JAK1: variants seen among roughly 807,000 people sequenced by gnomAD.
The protein encoded by JAK1 is tyrosine-protein kinase JAK1.
A neutral mutation model predicts 136.6 loss-of-function variants in JAK1; 16 were observed. The observed-to-expected ratio is 0.12, with a 90% CI of 0.08 to 0.18. The LOEUF (loss-of-function observed/expected upper bound fraction) is 0.18. JAK1 is among the 10% of genes least tolerant of loss of function. The pLI is 1.00. For missense variants in JAK1, 859 were observed against 1,450.1 expected (o/e 0.59, Z 6.62); for synonymous variants, 492 against 519.5 (o/e 0.95, Z 0.72).
At chr1:65,008,853 A>G (rs1271358088) in intron 2 of JAK1, among the ~76,000 whole-genome samples, 1 of 152,016 alleles carries the variant, frequency 6.6e-6, no homozygotes, top group Non-Finnish European at 1.5e-5. Context: ...ATGCCTGGCT[A>G]ATTTTTAAAT....
Position 64,884,026 on chromosome 1 carries a change from A to G in JAK1, c.7-551T>C, listed in dbSNP as rs562827812. 9.9e-5 allele frequency among the ~76,000 whole-genome samples: 15 copies of G among 152,234 alleles called. No individual in the cohort carries two copies. In the East Asian group the frequency reaches 2.9e-3, roughly 29 times the overall value. On this transcript the variant is annotated intron_variant, in intron 2 of 24. Coordinates refer to ENST00000342505, the MANE Select transcript of JAK1 (RefSeq NM_002227.4). Reference sequence around the variant, plus strand: ...TCCCCACCTGAGACACTGCACACAAAATGATGACCAATTCATGTTCATAAG... The same window carrying G: ...TCCCCACCTGAGACACTGCACACAAGATGATGACCAATTCATGTTCATAAG...
intron 1 of JAK1, among the ~76,000 whole-genome samples, chr1:64,945,694 C>A (rs1645972485): frequency 6.6e-6 from 1 of 151,764 alleles, no homozygotes; most frequent in South Asian, 2.1e-4. Flanking sequence ...TGGGAGCAAA[C>A]CTTCTCAATT....
At chr1:65,033,647 G>C (rs1647044558) in intron 2 of JAK1, among the ~76,000 whole-genome samples, 1 of 151,556 alleles carries the variant, frequency 6.6e-6, no homozygotes, top group African/African-American at 2.4e-5. Flanking sequence ...CAGTGCTTTG[G>C]GAGGCCGAGG....
chr1:64,850,350 A>G (rs1655508506), intron 12 of JAK1, among the ~76,000 whole-genome samples: 1 of 152,228 alleles, frequency 6.6e-6, no homozygotes, highest in African/African-American at 2.4e-5. Flanking sequence ...TCAGGCCCAG[A>G]GTGTGCATGT....
chr1:64,981,644 C>G (rs1294345401), intron 2 of JAK1, among the ~76,000 whole-genome samples: 1 of 152,174 alleles, frequency 6.6e-6, no homozygotes, highest in Non-Finnish European at 1.5e-5. Flanking sequence ...CTGGAGATGT[C>G]CACTCAAATT....
chr1:65,037,221 G>T (rs1647083016), intron 2 of JAK1, among the ~76,000 whole-genome samples: 1 of 152,112 alleles, frequency 6.6e-6, no homozygotes, highest in East Asian at 1.9e-4. Flanking sequence ...TGAGAAAAAA[G>T]CTATGCAAAT....
rs74546015 is a variant in JAK1 at position 64,976,156 on chromosome 1, T to C, written c.-78+68324A>G. Among the ~76,000 whole-genome samples, 7 of 152,316 alleles carry C rather than the reference T, an allele frequency of 4.6e-5. 1 individual carries two copies. The East Asian group carries it at 1.4e-3, about 29-fold the overall frequency. On this transcript the variant is annotated intron_variant, in intron 2 of 25. Transcript: ENST00000671954. The stretch of plus-strand genomic sequence containing the variant: ...TTTTTATTGTGGACACAGTGCCATA[T>C]AGAGGTCTCTGATTCAATGCATATC...
chr1:64,880,703 GGCCTATAATATTCTCA>G (rs1644757585), intron 3 of JAK1, among the ~76,000 whole-genome samples: 1 of 152,132 alleles, frequency 6.6e-6, no homozygotes, highest in African/African-American at 2.4e-5. Context: ...AAGTGGCTCA[GGCCTATAATATTCTCA>G]GCACTGTGGG....
At chr1:65,067,081 TAAC>T (rs988403531) in intron 1 of JAK1, among the ~76,000 whole-genome samples, 15 of 151,618 alleles carry the variant, frequency 9.9e-5, no homozygotes, top group African/African-American at 1.2e-4. Flanking sequence ...ACGCACGCGC[TAAC>T]AACAACAAAC....
At chr1:64,866,508 G>A (rs570818880) in intron 7 of JAK1, among the ~76,000 whole-genome samples, 2 of 152,278 alleles carry the variant, frequency 1.3e-5, no homozygotes, top group South Asian at 2.1e-4. Context: ...TCCGTAAAAT[G>A]GAGATAATAG....
At chr1:64,839,186 A>G (rs1183012147) in intron 20 of JAK1, among the ~76,000 whole-genome samples, 1 of 151,798 alleles carries the variant, frequency 6.6e-6, no homozygotes, top group Non-Finnish European at 1.5e-5. Context: ...ATCAGCTGTC[A>G]ATTTCACTAC....
chr1:64,959,793 A>G (rs1024067329), intron 1 of JAK1, among the ~76,000 whole-genome samples: 5 of 152,176 alleles, frequency 3.3e-5, no homozygotes, highest in Non-Finnish European at 5.9e-5. Context: ...TGATTTACTC[A>G]TTGCTAACTG....
chr1:64,866,263 T>C (rs1656701038), intron 7 of JAK1, among the ~76,000 whole-genome samples: 2 of 152,206 alleles, frequency 1.3e-5, no homozygotes, highest in South Asian at 4.1e-4. Context: ...CCTAAGGCCA[T>C]ATAAGTCATG....
chr1:65,028,257 T>G (rs1244249503), intron 2 of JAK1, among the ~76,000 whole-genome samples: 1 of 152,120 alleles, frequency 6.6e-6, no homozygotes, highest in Non-Finnish European at 1.5e-5. Flanking sequence ...CTCACAATTC[T>G]TATTCTCCTT....
intron 2 of JAK1, among the ~76,000 whole-genome samples, chr1:64,997,842 G>T (rs1170788092): frequency 1.3e-5 from 2 of 152,146 alleles, no homozygotes; most frequent in South Asian, 2.1e-4. Flanking sequence ...CAAGGCACAG[G>T]TTACCCCAGG....
chr1:65,025,629 C>T (rs968936231), intron 2 of JAK1, among the ~76,000 whole-genome samples: 3 of 151,998 alleles, frequency 2.0e-5, no homozygotes, highest in Non-Finnish European at 2.9e-5. Context: ...AGCACTATGA[C>T]CTTGGAAAAA....
At chr1:64,854,350 G>A (rs886828847) in intron 11 of JAK1, among the ~76,000 whole-genome samples, 2 of 152,138 alleles carry the variant, frequency 1.3e-5, no homozygotes, top group African/African-American at 4.8e-5. Flanking sequence ...AGTGGCAATC[G>A]TGCTGCTCCT....
At chr1:64,955,052 G>A (rs1481395876) in intron 1 of JAK1, among the ~76,000 whole-genome samples, 1 of 152,150 alleles carries the variant, frequency 6.6e-6, no homozygotes, top group Non-Finnish European at 1.5e-5. Context: ...CAAGAATCAA[G>A]GATGTAATTT....
chr1:65,052,036 G>C (rs1320505209), intron 1 of JAK1, among the ~76,000 whole-genome samples: 1 of 151,782 alleles, frequency 6.6e-6, no homozygotes, highest in Non-Finnish European at 1.5e-5. Context: ...GCTCACTGCA[G>C]CATCAAACTC....
Sources: allele counts gnomAD v4.1 joint callset (sites outside exome capture counted in the v4.1 genomes callset), GRCh38; gene constraint gnomAD v4.1.1; transcripts MANE v1.5; gene names NCBI Gene and HGNC (gene_info 2026-07-23, HGNC 2026-07-21).